NEDD4L: variants seen among roughly 807,000 people sequenced by gnomAD.
NEDD4L encodes NEDD4 like E3 ubiquitin protein ligase, also known as E3 ubiquitin-protein ligase NEDD4-like.
NEDD4L carries 54 observed loss-of-function variants against 148.9 expected under a neutral mutation model. The observed-to-expected ratio is 0.36, with a 90% CI of 0.29 to 0.45. The LOEUF is 0.45. Among genes scored for constraint, NEDD4L ranks in the 20% least tolerant of loss-of-function variants. The pLI, the probability that NEDD4L is intolerant of heterozygous loss-of-function variation, is 1.00. For missense variants in NEDD4L, 856 were observed against 1,233.8 expected, an observed-to-expected ratio of 0.69 and a Z score of 4.59; for synonymous variants, 433 against 440.7, an observed-to-expected ratio of 0.98 and a Z score of 0.22.
intron 16 of NEDD4L, among the ~76,000 whole-genome samples, chr18:58,343,982 A>G (rs2042749772): frequency 6.6e-6 from 1 of 152,092 alleles, no homozygotes; most frequent in African/African-American, 2.4e-5. Context: ...TCCCCATCGA[A>G]TTGTCTAGCT....
At chr18:58,105,931 T>C (rs2085045163) in intron 1 of NEDD4L, among the ~76,000 whole-genome samples, 1 of 152,242 alleles carries the variant, frequency 6.6e-6, no homozygotes, top group African/African-American at 2.4e-5. Context: ...AGGGTCAGGC[T>C]TCAGCATAAT....
At chr18:58,368,357 A>C (rs2046380613) in intron 22 of NEDD4L, among the ~76,000 whole-genome samples, 1 of 152,240 alleles carries the variant, frequency 6.6e-6, no homozygotes, top group Non-Finnish European at 1.5e-5. Flanking sequence ...TCTTATTTAA[A>C]GCATATAGAT....
chr18:58,231,890 A>G (rs1176293819), intron 2 of NEDD4L, among the ~76,000 whole-genome samples: 1 of 152,180 alleles, frequency 6.6e-6, no homozygotes, highest in Non-Finnish European at 1.5e-5. Context: ...TGGATTCTCC[A>G]TTTCCCACCT....
intron 1 of NEDD4L, among the ~76,000 whole-genome samples, chr18:58,096,401 ATTTTATTTTATTTTATTT>A: frequency 9.5e-6 from 1 of 105,032 alleles, no homozygotes; most frequent in Non-Finnish European, 2.1e-5. Context: ...ATTTTATTTT[ATTTTATTTTATTTTATTT>A]ATTTGACAGA....
intron 25 of NEDD4L, among the ~76,000 whole-genome samples, chr18:58,384,900 G>T (rs1473013409): frequency 6.6e-6 from 1 of 152,198 alleles, no homozygotes; most frequent in Non-Finnish European, 1.5e-5. Context: ...GTTTTGCTGT[G>T]CATTAAACAC....
intron 5 of NEDD4L, among the ~76,000 whole-genome samples, chr18:58,264,276 A>G (rs376543553): frequency 1.3e-5 from 2 of 152,076 alleles, no homozygotes; most frequent in Non-Finnish European, 2.9e-5. Flanking sequence ...CTAAGGACAC[A>G]GTGTGCCTCC....
intron 5 of NEDD4L, among the ~76,000 whole-genome samples, chr18:58,292,389 G>A (rs1033269137): frequency 2.0e-5 from 3 of 152,004 alleles, no homozygotes; most frequent in Non-Finnish European, 2.9e-5. Context: ...TCTACTCTCT[G>A]GGGCTTTCAC....
At chr18:58,125,358 G>GGTGTGTGT (rs34644275) in intron 1 of NEDD4L, among the ~76,000 whole-genome samples, 27 of 148,820 alleles carry the variant, frequency 1.8e-4, no homozygotes, top group Non-Finnish European at 2.1e-4. Flanking sequence ...CCACCAGGAG[G>GGTGTGTGT]GTGTGTGTGT....
intron 2 of NEDD4L, among the ~76,000 whole-genome samples, chr18:58,169,512 A>G (rs2037300230): frequency 6.6e-6 from 1 of 150,986 alleles, no homozygotes; most frequent in African/African-American, 2.4e-5. Flanking sequence ...TCATGGGGAA[A>G]AAAAAATGGA....
At chr18:58,257,499 G>T (rs1199762250) in intron 5 of NEDD4L, among the ~76,000 whole-genome samples, 1 of 152,146 alleles carries the variant, frequency 6.6e-6, no homozygotes, top group African/African-American at 2.4e-5. Flanking sequence ...ATGGGGACTC[G>T]TTAATGGTCA....
chr18:58,206,041 G>A (rs938804631), intron 2 of NEDD4L, among the ~76,000 whole-genome samples: 6 of 152,128 alleles, frequency 3.9e-5, no homozygotes, highest in African/African-American at 1.2e-4. Flanking sequence ...TTGCAATAAA[G>A]CTATTTGCAG....
chr18:58,385,020 G>A (rs2048822970), intron 25 of NEDD4L, among the ~76,000 whole-genome samples: 1 of 152,148 alleles, frequency 6.6e-6, no homozygotes, highest in Non-Finnish European at 1.5e-5. Context: ...TGCTGATAAA[G>A]CTTATATGTT....
intron 27 of NEDD4L, 153 bp downstream of exon 27, chr18:58,387,651 C>T: frequency 2.3e-6 from 2 of 884,708 alleles, no homozygotes; most frequent in Non-Finnish European, 3.2e-6. Flanking sequence ...GGCTTATTTG[C>T]CAATGTGGTT....
At chr18:58,074,203 C>T (rs898933412) in intron 1 of NEDD4L, among the ~76,000 whole-genome samples, 1 of 152,028 alleles carries the variant, frequency 6.6e-6, no homozygotes, top group Non-Finnish European at 1.5e-5. Context: ...GATGTTTCCT[C>T]CCATTCTCAC....
chr18:58,260,289 A>G (rs1259855751), intron 5 of NEDD4L, among the ~76,000 whole-genome samples: 1 of 152,244 alleles, frequency 6.6e-6, no homozygotes, highest in Non-Finnish European at 1.5e-5. Flanking sequence ...ATGTATAGTA[A>G]TGCTCTCTCT....
chr18:58,188,122 G>C (rs948318902), intron 2 of NEDD4L, among the ~76,000 whole-genome samples: 1 of 152,222 alleles, frequency 6.6e-6, no homozygotes, highest in Non-Finnish European at 1.5e-5. Context: ...CAACGCCTCT[G>C]TTCAGCGATA....
intron 2 of NEDD4L, among the ~76,000 whole-genome samples, chr18:58,188,695 A>G (rs550345509): frequency 6.6e-6 from 1 of 152,368 alleles, no homozygotes; most frequent in African/African-American, 2.4e-5. Context: ...CTTTGCACTA[A>G]CCTACCTGCC....
At chr18:58,271,100 GT>G (rs141809989) in intron 5 of NEDD4L, among the ~76,000 whole-genome samples, 34,578 of 151,742 alleles carry the variant, frequency 0.23, 4,007 homozygotes, top group East Asian at 0.28. Context: ...TATTATTATT[GT>G]TTTTTTCCCT....
chr18:58,078,068 G>A lies in NEDD4L; in HGVS notation c.48+33360G>A, dbSNP rs560159409. ...AAATTGCTTGCTCCAGATGACTCCA[G>A]ACAAACCAAAATAAAAATAAAAAGT... On this transcript the variant is annotated intron_variant, in intron 1 of 30. Coordinates refer to ENST00000400345, the MANE Select transcript of NEDD4L (RefSeq NM_001144967.3). Among the ~76,000 whole-genome samples the A allele has an allele frequency of 2.0e-5, 3 of 148,596 alleles. No individual in the cohort carries two copies. The South Asian group carries it at 6.4e-4, about 31-fold the overall frequency.
Sources: allele counts gnomAD v4.1 joint callset (sites outside exome capture counted in the v4.1 genomes callset), GRCh38; gene constraint gnomAD v4.1.1; transcripts MANE v1.5; gene names NCBI Gene and HGNC (gene_info 2026-07-23, HGNC 2026-07-21).